Variants in NAV1 observed in about 807,000 individuals in gnomAD.
NAV1 encodes neuron navigator 1.
NAV1 carries 18 observed loss-of-function variants against 175.2 expected under a neutral mutation model. The observed-to-expected ratio is 0.10, with a 90% confidence interval of 0.07 to 0.15. The LOEUF (loss-of-function observed/expected upper bound fraction) is 0.15. NAV1 is among the 10% of genes least tolerant of loss of function. The probability of loss-of-function intolerance (pLI) is 1.00; values close to 1 mark genes in which losing one functional copy is unlikely to be tolerated. For missense variants in NAV1, 1,731 were observed against 2,436.6 expected (o/e 0.71, Z 6.10); for synonymous variants, 897 against 978.7 (o/e 0.92, Z 1.56).
chr1:201,598,923 C>T (rs1377557070), intron 2 of NAV1, among the ~76,000 whole-genome samples: 1 of 152,176 alleles, frequency 6.6e-6, no homozygotes, highest in Non-Finnish European at 1.5e-5. Context: ...TGACATCCCT[C>T]CCCCTGCCTC....
At chr1:201,565,858 T>C (rs1212375863) in intron 1 of NAV1, among the ~76,000 whole-genome samples, 1 of 152,182 alleles carries the variant, frequency 6.6e-6, no homozygotes, top group African/African-American at 2.4e-5. Flanking sequence ...ATTTTATCCC[T>C]GGAGGCGCCA....
chr1:201,777,705 C>G (rs1405661060), intron 3 of NAV1, among the ~76,000 whole-genome samples: 1 of 151,998 alleles, frequency 6.6e-6, no homozygotes, highest in Non-Finnish European at 1.5e-5. Context: ...AATCCCAGCA[C>G]TTTGGGAGGC....
intron 3 of NAV1, among the ~76,000 whole-genome samples, chr1:201,756,881 T>C (rs539623442): frequency 2.1e-4 from 30 of 143,842 alleles, no homozygotes; most frequent in African/African-American, 7.8e-4. Context: ...TCTTTCTTTC[T>C]TTCTCTGTCT....
At chr1:201,752,660 T>C (rs1674195337) in intron 3 of NAV1, among the ~76,000 whole-genome samples, 1 of 152,010 alleles carries the variant, frequency 6.6e-6, no homozygotes, top group South Asian at 2.1e-4. Context: ...GACTTAGGCT[T>C]AGGAACAAGC....
At chr1:201,582,379 C>G (rs1184475702) in intron 1 of NAV1, among the ~76,000 whole-genome samples, 1 of 152,328 alleles carries the variant, frequency 6.6e-6, no homozygotes, top group East Asian at 1.9e-4. Flanking sequence ...AATCTGGAAG[C>G]ACACAGGACC....
At chr1:201,729,551 G>A (rs1227484576) in intron 3 of NAV1, among the ~76,000 whole-genome samples, 2 of 151,966 alleles carry the variant, frequency 1.3e-5, no homozygotes, top group African/African-American at 4.8e-5. Context: ...TGAGGCACGA[G>A]AATTGCTTGA....
intron 1 of NAV1, among the ~76,000 whole-genome samples, chr1:201,580,270 C>A (rs980833488): frequency 5.3e-5 from 8 of 152,138 alleles, no homozygotes; most frequent in African/African-American, 1.9e-4. Context: ...ACAGACATAC[C>A]CAGAAATAAT....
intron 15 of NAV1, chr1:201,798,358 C>T (rs1677591841): frequency 6.6e-6 from 1 of 152,116 alleles, no homozygotes; most frequent in Non-Finnish European, 1.5e-5. Flanking sequence ...GAAATTACTC[C>T]AGGCCAGGCA....
chr1:201,633,499 G>A (rs1050907160), intron 2 of NAV1, among the ~76,000 whole-genome samples: 4 of 152,084 alleles, frequency 2.6e-5, no homozygotes, highest in Admixed American at 6.5e-5. Context: ...CCCAACTGCC[G>A]CCAGTACTCA....
chr1:201,799,860 CA>C (rs548818131), intron 15 of NAV1, among the ~76,000 whole-genome samples: 2,818 of 77,094 alleles, frequency 0.037, 70 homozygotes, highest in African/African-American at 0.11. Context: ...AACTTCATCT[CA>C]AAAAAAAAAA....
intron 15 of NAV1, among the ~76,000 whole-genome samples, chr1:201,802,473 A>AGAAAG (rs1553278350): frequency 2.2e-4 from 25 of 113,124 alleles, no homozygotes; most frequent in African/African-American, 7.3e-4. Context: ...AAAAAAAAAA[A>AGAAAG]AAAGAAAGAA....
rs1678366329 is a variant in NAV1 at position 201,807,475 on chromosome 1, G to C, written c.3649-478G>C. Among the ~76,000 whole-genome samples, 4 of 152,186 alleles carry C rather than the reference G, an allele frequency of 2.6e-5. No individual in the cohort carries two copies. The highest frequency in any genetic ancestry group is 2.6e-4 in the Admixed American group (4 of 15,280). On this transcript the variant is annotated intron_variant, in intron 17 of 29. Transcript: ENST00000367296. The surrounding 1 kb of genome is among the most constrained non-coding windows in gnomAD (Gnocchi z 5.4). ...GAGGCCCACAGTGAGCCAGGTTCTA[G>C]ACTGAGCGGTTATTGTTCTGCTGCA...
At chr1:201,780,906 C>T in intron 4 of NAV1, 106 bp from the exon 9 acceptor site, 1 of 1,282,956 alleles carries the variant, frequency 7.8e-7, no homozygotes, top group Non-Finnish European at 1.1e-6. Flanking sequence ...TGACTTAATA[C>T]TCTGAGATGA....
At chr1:201,596,817 G>T (rs934846483) in intron 2 of NAV1, among the ~76,000 whole-genome samples, 3 of 135,532 alleles carry the variant, frequency 2.2e-5, no homozygotes, top group Non-Finnish European at 4.6e-5. Flanking sequence ...TTTGTTTTTT[G>T]TTTGTTTGTT....
chr1:201,650,586 G>A (rs1007050280), intron 1 of NAV1, among the ~76,000 whole-genome samples: 80 of 152,360 alleles, frequency 5.3e-4, no homozygotes, highest in African/African-American at 1.9e-3. Flanking sequence ...CCGAGTGACG[G>A]GCTTGGCGGG....
chr1:201,706,188 C>T (rs1671658495), intron 1 of NAV1, among the ~76,000 whole-genome samples: 1 of 152,070 alleles, frequency 6.6e-6, no homozygotes, highest in Non-Finnish European at 1.5e-5. Context: ...TGGGCTTCAC[C>T]CTAGGGATCT....
intron 3 of NAV1, among the ~76,000 whole-genome samples, chr1:201,743,961 C>T (rs1558119026): frequency 2.0e-5 from 3 of 152,060 alleles, no homozygotes; most frequent in African/African-American, 4.8e-5. Flanking sequence ...CTCAGCTCAC[C>T]GCAATGTGTG....
intron 1 of NAV1, among the ~76,000 whole-genome samples, chr1:201,554,391 T>G (rs1267979107): frequency 6.6e-6 from 1 of 152,136 alleles, no homozygotes; most frequent in African/African-American, 2.4e-5. Flanking sequence ...AGCCAGCACA[T>G]AGCACAGAAC....
intron 1 of NAV1, chr1:201,688,465 A>G (rs1427474367): frequency 2.0e-5 from 3 of 152,206 alleles, no homozygotes; most frequent in African/African-American, 7.2e-5. Flanking sequence ...AAATGATAAT[A>G]TTTCTCTGAA....
Sources: allele counts gnomAD v4.1 joint callset (sites outside exome capture counted in the v4.1 genomes callset), GRCh38; gene constraint gnomAD v4.1.1; non-coding constraint Gnocchi (gnomAD v3.1); transcripts MANE v1.5; gene names NCBI Gene and HGNC (gene_info 2026-07-23, HGNC 2026-07-21).